CSMD1: variants seen among roughly 807,000 people sequenced by gnomAD.
CSMD1 encodes the protein CUB and Sushi multiple domains 1.
In CSMD1, 213 loss-of-function variants were observed where a neutral mutation model predicts 417.5. The ratio of observed to expected loss-of-function variants is 0.51; its 90% CI spans 0.46 to 0.57. The LOEUF (loss-of-function observed/expected upper bound fraction) is 0.57, where lower values mean the gene tolerates loss of function less well. CSMD1 is among the 20% of genes least tolerant of loss of function. The pLI, the probability that CSMD1 is intolerant of heterozygous loss-of-function variation, is 0.00. For synonymous variants in CSMD1, 2,862 were observed against 1,736.8 expected (o/e 1.65, Z -16.11); for missense variants, 6,923 against 4,529.7 (o/e 1.53, Z -15.17).
chr8:3,306,985 T>G (rs1563252700), intron 25 of CSMD1, among the ~76,000 whole-genome samples: 1 of 152,098 alleles, frequency 6.6e-6, no homozygotes, highest in African/African-American at 2.4e-5. Context: ...CTTTTATATG[T>G]GTTACTTTAG....
intron 2 of CSMD1, among the ~76,000 whole-genome samples, chr8:4,614,887 C>G (rs369094448): frequency 1.2e-4 from 19 of 152,100 alleles, no homozygotes; most frequent in African/African-American, 4.1e-4. Flanking sequence ...TTAATATTTT[C>G]TCTAGAGTAA....
intron 44 of CSMD1, among the ~76,000 whole-genome samples, chr8:3,108,146 C>T (rs994241509): frequency 3.3e-5 from 5 of 152,182 alleles, no homozygotes; most frequent in Non-Finnish European, 7.3e-5. Context: ...TGCCCTGTCC[C>T]GTGTCCTGAG....
At chr8:4,905,696 T>G (rs1377210278) in intron 1 of CSMD1, among the ~76,000 whole-genome samples, 4 of 151,500 alleles carry the variant, frequency 2.6e-5, no homozygotes, top group Admixed American at 1.3e-4. Context: ...GGCGGGCGCC[T>G]GTAGTCCCAG....
chr8:3,710,205 G>C (rs562734133), intron 6 of CSMD1, among the ~76,000 whole-genome samples: 2 of 152,086 alleles, frequency 1.3e-5, no homozygotes, highest in East Asian at 3.9e-4. Flanking sequence ...TCCAAAAAAT[G>C]CTTCTATACA....
intron 4 of CSMD1, among the ~76,000 whole-genome samples, chr8:4,025,296 C>G (rs2740925): frequency 0.64 from 97,309 of 152,086 alleles, 31,433 homozygotes; most frequent in South Asian, 0.74. Context: ...CCAAAATCCA[C>G]ACAGTGGACC....
intron 1 of CSMD1, among the ~76,000 whole-genome samples, chr8:4,799,997 T>C (rs1402673509): frequency 6.6e-6 from 1 of 152,312 alleles, no homozygotes; most frequent in East Asian, 1.9e-4. Context: ...TAAGAAAAGT[T>C]TGTAAAGACA....
intron 4 of CSMD1, among the ~76,000 whole-genome samples, chr8:4,012,495 C>T (rs764841002): frequency 2.6e-5 from 4 of 152,024 alleles, no homozygotes; most frequent in Admixed American, 6.5e-5. Flanking sequence ...TCTTGTGTTT[C>T]GAGGTGTGGT....
chr8:4,019,832 G>A (rs1240592163), intron 4 of CSMD1, among the ~76,000 whole-genome samples: 1 of 150,370 alleles, frequency 6.7e-6, no homozygotes. Flanking sequence ...AGGCACTCTT[G>A]TCCTTTTTCC....
chr8:3,242,513 G>C (rs1254979183), intron 26 of CSMD1, among the ~76,000 whole-genome samples: 2 of 152,094 alleles, frequency 1.3e-5, no homozygotes, highest in Non-Finnish European at 1.5e-5. Context: ...TTTAGATCTT[G>C]CAGGGTGGAA....
chr8:3,956,670 G>A (rs1260591438), intron 5 of CSMD1, among the ~76,000 whole-genome samples: 1 of 152,104 alleles, frequency 6.6e-6, no homozygotes, highest in African/African-American at 2.4e-5. Context: ...TGAAAATTAT[G>A]AGTTACTACC....
chr8:4,870,664 G>T (rs1376155483), intron 1 of CSMD1, among the ~76,000 whole-genome samples: 11 of 152,130 alleles, frequency 7.2e-5, no homozygotes, highest in Admixed American at 7.2e-4. Context: ...TGGAGAAACA[G>T]AGTACAGAAG....
intron 51 of CSMD1, among the ~76,000 whole-genome samples, chr8:3,023,559 A>G (rs1809615622): frequency 6.6e-6 from 1 of 152,102 alleles, no homozygotes; most frequent in Admixed American, 6.5e-5. Flanking sequence ...AAGGGTGACT[A>G]TGCTCTCCTG....
intron 41 of CSMD1, among the ~76,000 whole-genome samples, chr8:3,137,714 T>G (rs531345574): frequency 2.6e-5 from 4 of 152,360 alleles, no homozygotes; most frequent in Non-Finnish European, 5.9e-5. Flanking sequence ...GTTGTTATTC[T>G]GTATCGCTCA....
At chr8:4,329,426 C>A (rs1001185604) in intron 3 of CSMD1, among the ~76,000 whole-genome samples, 11 of 152,042 alleles carry the variant, frequency 7.2e-5, no homozygotes, top group Non-Finnish European at 1.5e-4. Flanking sequence ...GTAGCTGGGA[C>A]TACAGGCAGG....
chr8:4,233,941 C>G (rs960168438), intron 3 of CSMD1, among the ~76,000 whole-genome samples: 11 of 149,342 alleles, frequency 7.4e-5, no homozygotes, highest in African/African-American at 2.5e-4. Flanking sequence ...TGAGGTGAGA[C>G]TAATGCATGG....
At chr8:3,528,776 A>C (rs907058042) in intron 10 of CSMD1, among the ~76,000 whole-genome samples, 1 of 152,234 alleles carries the variant, frequency 6.6e-6, no homozygotes, top group African/African-American at 2.4e-5. Context: ...GCAAAACTGA[A>C]GGTTGACAGA....
Position 3,408,100 on chromosome 8 carries a change from G to C in CSMD1, c.1870C>G (p.Leu624Val), listed in dbSNP as rs764216535. The change falls in exon 14 of 70, where the codon CTA (leucine) becomes GTA (valine). Residue 624 changes from leucine (L) to valine (V), a missense_variant. Coordinates refer to ENST00000635120, the MANE Select transcript of CSMD1 (RefSeq NM_033225.6). ...TCAACATCAAAATCATTAAAGATTA[G>C]GTGAATTCGACTTCCTGGCTCCGAG... ...IISEPGSRIHLIFNDFDVEPQ... is the reference protein window; with the variant it reads ...IISEPGSRIHVIFNDFDVEPQ... The C allele has an allele frequency of 6.2e-7, 1 of 1,613,848 alleles. No homozygotes were observed. The highest frequency in any genetic ancestry group is 8.5e-7 in the Non-Finnish European group (1 of 1,179,848).
At chr8:4,279,269 ATAT>A (rs1796651724) in intron 3 of CSMD1, among the ~76,000 whole-genome samples, 1 of 152,196 alleles carries the variant, frequency 6.6e-6, no homozygotes, top group African/African-American at 2.4e-5. Flanking sequence ...TGAAACACTT[ATAT>A]TTAGTGTAAA....
chr8:4,539,848 CT>C (rs1389147489), intron 2 of CSMD1, among the ~76,000 whole-genome samples: 1 of 152,142 alleles, frequency 6.6e-6, no homozygotes, highest in African/African-American at 2.4e-5. Flanking sequence ...TTCCCAAACT[CT>C]TTTCTGGGTC....
Sources: gnomAD v4.1 joint callset for allele counts (sites outside exome capture counted in the v4.1 genomes callset) on GRCh38, gnomAD v4.1.1 for gene constraint, MANE v1.5 for transcripts, NCBI Gene and HGNC (gene_info 2026-07-23, HGNC 2026-07-21) for gene names.